The following ZMYM4 variants were observed in gnomAD, a reference collection of about 807,000 sequenced individuals.
ZMYM4 encodes zinc finger MYM-type containing 4.
ZMYM4 carries 31 observed loss-of-function variants against 183.2 expected under a neutral mutation model. The observed-to-expected ratio is 0.17, with a 90% CI of 0.13 to 0.23. The LOEUF (loss-of-function observed/expected upper bound fraction) is 0.23. Ranked by LOEUF, ZMYM4 falls within the 10% of genes least tolerant of loss-of-function variation. The pLI is 1.00. For missense variants in ZMYM4, 1,273 were observed against 1,840.3 expected (o/e 0.69, Z 5.64); for synonymous variants, 592 against 631.2 (o/e 0.94, Z 0.93).
chr1:35,276,752 C>T (rs1639898420), intron 1 of ZMYM4, among the ~76,000 whole-genome samples: 1 of 152,108 alleles, frequency 6.6e-6, no homozygotes, highest in Non-Finnish European at 1.5e-5. Context: ...GGATTATAGG[C>T]ATGCACCACC....
At chr1:35,370,748 T>A in intron 7 of ZMYM4, 121 bp downstream of exon 7, 1 of 1,057,680 alleles carries the variant, frequency 9.5e-7, no homozygotes, top group Non-Finnish European at 1.2e-6. Flanking sequence ...TTTTTTTTTT[T>A]TGAGAAATAC....
intron 1 of ZMYM4, among the ~76,000 whole-genome samples, chr1:35,299,797 CTTTTTTTTT>C (rs553866480): frequency 7.0e-6 from 1 of 142,956 alleles, no homozygotes; most frequent in South Asian, 2.2e-4. Flanking sequence ...TCTTTCTTTT[CTTTTTTTTT>C]TTTTATGAGA....
chr1:35,279,197 G>A lies in ZMYM4; in HGVS notation c.39+10112G>A, dbSNP rs772228988. On this transcript the variant is annotated intron_variant, in intron 1 of 29. Coordinates refer to ENST00000314607, the MANE Select transcript of ZMYM4 (RefSeq NM_005095.3). The stretch of plus-strand genomic sequence containing the variant: ...AAGGGTTGCACATGTTTGTAGTTGA[G>A]TAACTGTATTAGCCCATTTCTTGCC... 7.2e-5 allele frequency among the ~76,000 whole-genome samples: 11 copies of A among 152,172 alleles called. 1 individual carries two copies. Among genetic ancestry groups the A allele is most frequent in the Non-Finnish European group, 1.5e-4 (10 of 68,042 alleles).
intron 2 of ZMYM4, among the ~76,000 whole-genome samples, chr1:35,326,913 G>A (rs1642527281): frequency 6.6e-6 from 1 of 152,148 alleles, no homozygotes; most frequent in Non-Finnish European, 1.5e-5. Flanking sequence ...AGGCTTGAGT[G>A]AAGTGGCGTG....
chr1:35,349,007 T>G (rs1385860754), intron 2 of ZMYM4, among the ~76,000 whole-genome samples: 2 of 152,130 alleles, frequency 1.3e-5, no homozygotes, highest in Non-Finnish European at 2.9e-5. Flanking sequence ...TTTATTTCAT[T>G]TTTTTTGAGA....
At chr1:35,373,922 T>G (rs763556916) in intron 7 of ZMYM4, among the ~76,000 whole-genome samples, 1 of 152,122 alleles carries the variant, frequency 6.6e-6, no homozygotes, top group South Asian at 2.1e-4. Context: ...AAAGAGACTT[T>G]ATACTGCTTG....
chr1:35,298,450 A>C (rs1293933559), intron 1 of ZMYM4, among the ~76,000 whole-genome samples: 3 of 152,126 alleles, frequency 2.0e-5, no homozygotes, highest in African/African-American at 7.2e-5. Context: ...GAATCTGGCT[A>C]AGAAGATAGG....
chr1:35,392,568 A>G (rs1448757767), intron 16 of ZMYM4, 79 bp from the exon 17 acceptor site: 34 of 1,380,902 alleles, frequency 2.5e-5, no homozygotes, highest in Non-Finnish European at 5.0e-6. Flanking sequence ...GTTTGTGTTT[A>G]TGTACTGATA....
chr1:35,323,033 T>C (rs1468662886), intron 1 of ZMYM4, among the ~76,000 whole-genome samples: 2 of 150,162 alleles, frequency 1.3e-5, no homozygotes, highest in Non-Finnish European at 3.0e-5. Context: ...GGAATCATGC[T>C]TTGTCCCCTA....
intron 2 of ZMYM4, among the ~76,000 whole-genome samples, chr1:35,335,349 G>A (rs1642927673): frequency 1.3e-5 from 2 of 151,602 alleles, no homozygotes; most frequent in Admixed American, 1.3e-4. Context: ...TGATTCTCCT[G>A]CCTCAGCATC....
At chr1:35,311,371 G>A (rs1003263529) in intron 1 of ZMYM4, among the ~76,000 whole-genome samples, 5 of 147,650 alleles carry the variant, frequency 3.4e-5, no homozygotes, top group Admixed American at 6.9e-5. Context: ...TCAGTGAGCC[G>A]ATATCATGCC....
chr1:35,404,199 G>C (rs1644963014), intron 23 of ZMYM4, among the ~76,000 whole-genome samples: 1 of 152,050 alleles, frequency 6.6e-6, no homozygotes, highest in Admixed American at 6.5e-5. Context: ...CAAGTAGCTG[G>C]GACTACAGAT....
chr1:35,337,157 G>A (rs886974418), intron 2 of ZMYM4, among the ~76,000 whole-genome samples: 6 of 151,970 alleles, frequency 3.9e-5, no homozygotes, highest in Admixed American at 6.6e-5. Flanking sequence ...TCAGGAGTTC[G>A]AGACCAGCCT....
intron 1 of ZMYM4, among the ~76,000 whole-genome samples, chr1:35,302,662 G>T (rs1201732007): frequency 6.6e-6 from 1 of 151,952 alleles, no homozygotes; most frequent in Non-Finnish European, 1.5e-5. Flanking sequence ...TGGGATTACA[G>T]GTGTGAGCCA....
chr1:35,307,159 C>T (rs1641570313), intron 1 of ZMYM4, among the ~76,000 whole-genome samples: 4 of 152,136 alleles, frequency 2.6e-5, no homozygotes, highest in Admixed American at 2.6e-4. Flanking sequence ...ACTAAATTAT[C>T]TTTAAAATTA....
Position 35,318,841 on chromosome 1 carries a change from T to TA in ZMYM4, c.40-6518dup, listed in dbSNP as rs1264964339. ...TATAACGTAGTAAGCAAATATTAGT[T>TA]ATACAATATTTTTTCATTTCCCTAC... On this transcript the variant is annotated intron_variant, in intron 1 of 29. Coordinates refer to ENST00000314607, the MANE Select transcript of ZMYM4 (RefSeq NM_005095.3). Among the ~76,000 whole-genome samples the TA allele has an allele frequency of 8.5e-5, 13 of 152,268 alleles. 2 individuals are homozygous for TA. Among genetic ancestry groups the TA allele is most frequent in the African/African-American group, 2.6e-4 (11 of 41,564 alleles).
intron 9 of ZMYM4, among the ~76,000 whole-genome samples, chr1:35,383,181 G>T (rs1644503310): frequency 6.6e-6 from 1 of 152,086 alleles, no homozygotes; most frequent in Admixed American, 6.5e-5. Context: ...AGTGAATTTT[G>T]ATCAAATATT....
chr1:35,385,618 A>G, intron 10 of ZMYM4, 26 bp downstream of exon 10: 1 of 1,560,224 alleles, frequency 6.4e-7, no homozygotes, highest in East Asian at 2.3e-5. Flanking sequence ...CAAACTATGA[A>G]ATGCAATGGT....
intron 2 of ZMYM4, among the ~76,000 whole-genome samples, chr1:35,342,697 G>A (rs1006844890): frequency 3.3e-5 from 5 of 151,936 alleles, no homozygotes; most frequent in Admixed American, 1.3e-4. Context: ...TTGAGACAGG[G>A]TCTCAGTCAG....
Sources: gnomAD v4.1 joint callset for allele counts (sites outside exome capture counted in the v4.1 genomes callset) on GRCh38, gnomAD v4.1.1 for gene constraint, MANE v1.5 for transcripts, NCBI Gene and HGNC (gene_info 2026-07-23, HGNC 2026-07-21) for gene names.